Variants in LRP1B observed in about 807,000 individuals in gnomAD.
The protein encoded by LRP1B is LDL receptor related protein 1B, also known as low-density lipoprotein receptor-related protein 1B.
LRP1B carries 217 observed loss-of-function variants against 556.6 expected under a neutral mutation model. The ratio of observed to expected loss-of-function variants is 0.39; its 90% CI spans 0.35 to 0.44. The LOEUF is 0.44. LRP1B is among the 20% of genes least tolerant of loss of function. The pLI, the probability that LRP1B is intolerant of heterozygous loss-of-function variation, is 1.00. For synonymous variants in LRP1B, 2,047 were observed against 1,865.8 expected (o/e 1.10, Z -2.50); for missense variants, 5,053 against 5,620.8 (o/e 0.90, Z 3.23).
chr2:141,013,827 T>G (rs1187816039), intron 13 of LRP1B, 82 bp from the exon 14 acceptor site: 5 of 760,358 alleles, frequency 6.6e-6, no homozygotes, highest in Non-Finnish European at 1.0e-5. Context: ...TGATATTCAA[T>G]AAGTATAACA....
At chr2:141,173,452 C>T (rs182081062) in intron 7 of LRP1B, among the ~76,000 whole-genome samples, 13 of 152,202 alleles carry the variant, frequency 8.5e-5, no homozygotes, top group African/African-American at 2.9e-4. Flanking sequence ...ATGGAACCCA[C>T]CTCCAGATTG....
chr2:141,633,458 T>C (rs1004549733), intron 2 of LRP1B, among the ~76,000 whole-genome samples: 8 of 152,120 alleles, frequency 5.3e-5, no homozygotes, highest in Non-Finnish European at 1.0e-4. Flanking sequence ...GCATTCAGCA[T>C]AGAAAAAGTT....
At position 141,557,337 on chromosome 2, in the gene LRP1B, A is replaced by C. The variant is rs74600857; in HGVS notation, c.206-76804T>G. Among the ~76,000 whole-genome samples, 1,036 of 152,084 alleles carry C rather than the reference A, an allele frequency of 6.8e-3. 21 individuals are homozygous for C. Among genetic ancestry groups the C allele is most frequent in the African/African-American group, 0.023 (942 of 41,518 alleles). On this transcript the variant is annotated intron_variant, in intron 2 of 90. Transcript: ENST00000389484. Reference sequence around the variant, plus strand: ...AGTCCATATTTTATGGAGATAATGCAAGAAAGAAAATAAACCACCATTTCA... The same window carrying C: ...AGTCCATATTTTATGGAGATAATGCCAGAAAGAAAATAAACCACCATTTCA...
chr2:140,666,459 T>C (rs982667735), intron 41 of LRP1B, among the ~76,000 whole-genome samples: 1 of 152,186 alleles, frequency 6.6e-6, no homozygotes, highest in Middle Eastern at 3.4e-3. Flanking sequence ...AGTTCACTTA[T>C]AAGCCAAAGA....
Position 141,259,445 on chromosome 2 carries a change from A to G in LRP1B, c.344-4804T>C, listed in dbSNP as rs144990763. On this transcript the variant is annotated intron_variant, in intron 3 of 90. Transcript: ENST00000389484. Reference sequence around the variant, plus strand: ...GATTGGAACCGTATTTTTGTCTTCTAGCCAATATAACGTAGAGAGTAATTG... The same window carrying G: ...GATTGGAACCGTATTTTTGTCTTCTGGCCAATATAACGTAGAGAGTAATTG... Among the ~76,000 whole-genome samples, 1,225 of 152,304 alleles carry G rather than the reference A, an allele frequency of 8.0e-3. 14 individuals are homozygous for G. Among genetic ancestry groups the G allele is most frequent in the Middle Eastern group, 0.017 (5 of 294 alleles).
At chr2:140,521,985 A>G (rs191641976) in intron 49 of LRP1B, among the ~76,000 whole-genome samples, 5 of 152,182 alleles carry the variant, frequency 3.3e-5, no homozygotes, top group African/African-American at 9.6e-5. Context: ...GATAGCCACA[A>G]TAACAGTAGC....
intron 62 of LRP1B, among the ~76,000 whole-genome samples, chr2:140,455,112 G>A (rs946476414): frequency 2.6e-5 from 4 of 152,068 alleles, no homozygotes; most frequent in African/African-American, 9.7e-5. Context: ...ATTAAAAAAC[G>A]TGATTTCTCT....
At chr2:141,947,314 G>A (rs969735304) in intron 1 of LRP1B, among the ~76,000 whole-genome samples, 2 of 152,006 alleles carry the variant, frequency 1.3e-5, no homozygotes, top group African/African-American at 4.8e-5. Flanking sequence ...GTGCATGCCT[G>A]TAGTCCCAGC....
At chr2:141,987,207 G>C (rs1346873481) in intron 1 of LRP1B, among the ~76,000 whole-genome samples, 1 of 151,928 alleles carries the variant, frequency 6.6e-6, no homozygotes, top group Non-Finnish European at 1.5e-5. Flanking sequence ...CTGAATTATA[G>C]AATTTGACTA....
chr2:140,599,840 G>C (rs567210246), intron 42 of LRP1B, among the ~76,000 whole-genome samples: 2 of 151,966 alleles, frequency 1.3e-5, no homozygotes, highest in Non-Finnish European at 2.9e-5. Context: ...AGTAATTAAA[G>C]TTTTCACAAA....
At chr2:141,803,035 A>G (rs1696058026) in intron 2 of LRP1B, among the ~76,000 whole-genome samples, 1 of 151,824 alleles carries the variant, frequency 6.6e-6, no homozygotes, top group Non-Finnish European at 1.5e-5. Flanking sequence ...CAAAGTTTTC[A>G]TTCCCCATAG....
intron 3 of LRP1B, among the ~76,000 whole-genome samples, chr2:141,369,635 A>T (rs546706836): frequency 5.3e-4 from 80 of 152,178 alleles, no homozygotes; most frequent in Non-Finnish European, 8.5e-4. Context: ...AGTATAAGCA[A>T]TCTACAATCT....
chr2:141,373,162 C>T (rs1298139231), intron 3 of LRP1B, among the ~76,000 whole-genome samples: 2 of 152,028 alleles, frequency 1.3e-5, no homozygotes, highest in Non-Finnish European at 2.9e-5. Flanking sequence ...TAAGTTTCCA[C>T]TTAGAACTGA....
At chr2:142,019,738 T>C (rs112143261) in intron 1 of LRP1B, among the ~76,000 whole-genome samples, 2 of 152,302 alleles carry the variant, frequency 1.3e-5, no homozygotes, top group Admixed American at 6.5e-5. Flanking sequence ...TGACCCAGGA[T>C]GACCATTGAC....
At chr2:141,693,664 T>C (rs1691627274) in intron 2 of LRP1B, among the ~76,000 whole-genome samples, 1 of 152,062 alleles carries the variant, frequency 6.6e-6, no homozygotes, top group South Asian at 2.1e-4. Context: ...GTACTAGATT[T>C]AGCCTTATAC....
At chr2:140,978,838 C>A (rs1696681612) in intron 18 of LRP1B, among the ~76,000 whole-genome samples, 1 of 152,138 alleles carries the variant, frequency 6.6e-6, no homozygotes, top group African/African-American at 2.4e-5. Context: ...GGTACTGATA[C>A]TAACCCATGC....
At chr2:141,825,287 T>C (rs1696885180) in intron 1 of LRP1B, among the ~76,000 whole-genome samples, 1 of 152,168 alleles carries the variant, frequency 6.6e-6, no homozygotes. Context: ...CATGAAGGTG[T>C]AGCACAGATA....
intron 3 of LRP1B, among the ~76,000 whole-genome samples, chr2:141,443,616 GGAAGGGGTAC>G (rs1163673197): frequency 5.3e-5 from 8 of 152,128 alleles, no homozygotes; most frequent in African/African-American, 1.4e-4. Flanking sequence ...TAAGGTGTAA[GGAAGGGGTAC>G]AATTTCAGTT....
In LRP1B at chr2:141,624,637, T is replaced by C. The variant is rs183763309; in HGVS notation, c.206-144104A>G. 9.2e-5 allele frequency among the ~76,000 whole-genome samples: 14 copies of C among 152,306 alleles called. No homozygotes were observed. The East Asian group carries it at 2.7e-3, about 29-fold the overall frequency. ...TATAGGCCCAAATATGCCAACAGAT[T>C]AGCAGATTTACAATTTAAATATAGT... On this transcript the variant is annotated intron_variant, in intron 2 of 90. Transcript: ENST00000389484.
Sources: gnomAD v4.1 joint callset for allele counts (sites outside exome capture counted in the v4.1 genomes callset) on GRCh38, gnomAD v4.1.1 for gene constraint, MANE v1.5 for transcripts, NCBI Gene and HGNC (gene_info 2026-07-23, HGNC 2026-07-21) for gene names.